The following CNTN4 variants were observed in gnomAD, a reference collection of about 807,000 sequenced individuals.
The protein encoded by CNTN4 is contactin-4.
CNTN4 carries 77 observed loss-of-function variants against 122.5 expected under a neutral mutation model. That is an observed-to-expected ratio of 0.63 (90% CI 0.52 to 0.76). The LOEUF is 0.76. Among genes scored for constraint, CNTN4 ranks in the 30% least tolerant of loss-of-function variants. The probability of loss-of-function intolerance (pLI) is 0.00; values close to 1 mark genes in which losing one functional copy is unlikely to be tolerated. For synonymous variants in CNTN4, 512 were observed against 447.0 expected (o/e 1.15, Z -1.83); for missense variants, 1,256 against 1,259.1 (o/e 1.00, Z 0.04).
At chr3:2,320,771 G>T (rs2043250689) in intron 2 of CNTN4, among the ~76,000 whole-genome samples, 1 of 152,090 alleles carries the variant, frequency 6.6e-6, no homozygotes, top group Non-Finnish European at 1.5e-5. Flanking sequence ...ATAGGAAAAA[G>T]AAATACATGA....
intron 3 of CNTN4, among the ~76,000 whole-genome samples, chr3:2,510,373 G>A (rs2076848982): frequency 2.8e-5 from 2 of 72,250 alleles, no homozygotes; most frequent in Admixed American, 3.2e-4. Flanking sequence ...TGTTTGTTTG[G>A]GGTTTTTTTT....
chr3:2,244,111 C>A (rs769755691), intron 2 of CNTN4, among the ~76,000 whole-genome samples: 13 of 151,938 alleles, frequency 8.6e-5, no homozygotes, highest in African/African-American at 1.2e-4. Context: ...TATGTTTTTC[C>A]TGTGCATACA....
intron 15 of CNTN4, among the ~76,000 whole-genome samples, chr3:3,029,338 T>A (rs1698983538): frequency 6.6e-6 from 1 of 152,212 alleles, no homozygotes; most frequent in Non-Finnish European, 1.5e-5. Flanking sequence ...ATAACACAGA[T>A]AATCTCATTT....
At chr3:2,541,085 T>A (rs2078013691) in intron 3 of CNTN4, among the ~76,000 whole-genome samples, 1 of 152,160 alleles carries the variant, frequency 6.6e-6, no homozygotes, top group South Asian at 2.1e-4. Context: ...CTATCTTTCT[T>A]CAGCTATCTT....
chr3:2,141,373 G>T (rs2034986816), intron 2 of CNTN4, among the ~76,000 whole-genome samples: 1 of 152,130 alleles, frequency 6.6e-6, no homozygotes, highest in African/African-American at 2.4e-5. Context: ...TGGCTTTGAA[G>T]ATGAAAGAGG....
chr3:2,260,799 C>T (rs2040805977), intron 2 of CNTN4, among the ~76,000 whole-genome samples: 1 of 149,112 alleles, frequency 6.7e-6, no homozygotes, highest in Non-Finnish European at 1.5e-5. Context: ...GTGATCTCGG[C>T]TCACTGTAAC....
chr3:2,280,518 C>G (rs943284626), intron 2 of CNTN4, among the ~76,000 whole-genome samples: 1 of 152,214 alleles, frequency 6.6e-6, no homozygotes, highest in African/African-American at 2.4e-5. Flanking sequence ...TAGTGACAGA[C>G]AGTCACTAAA....
chr3:3,003,703 A>AAC (rs1553722322), intron 14 of CNTN4, among the ~76,000 whole-genome samples: 9 of 149,084 alleles, frequency 6.0e-5, no homozygotes, highest in South Asian at 2.1e-4. Context: ...AAAAAAAAAA[A>AAC]AAAAAAAAAA....
chr3:2,661,806 T>C (rs1576375788), intron 4 of CNTN4, among the ~76,000 whole-genome samples: 2 of 68,938 alleles, frequency 2.9e-5, no homozygotes, highest in African/African-American at 6.8e-5. Context: ...CAAAATTCCA[T>C]CTCAAAAAAA....
chr3:2,206,300 G>GT (rs1175741629), intron 2 of CNTN4, among the ~76,000 whole-genome samples: 1 of 152,062 alleles, frequency 6.6e-6, no homozygotes, highest in Non-Finnish European at 1.5e-5. Context: ...TTCTTTGACA[G>GT]TATCTACAAA....
At chr3:2,711,221 A>G (rs976475722) in intron 4 of CNTN4, among the ~76,000 whole-genome samples, 1 of 152,156 alleles carries the variant, frequency 6.6e-6, no homozygotes, top group Non-Finnish European at 1.5e-5. Flanking sequence ...GAAGCTGGCT[A>G]GGTAGGAGAT....
At chr3:2,409,367 C>T (rs2047151112) in intron 3 of CNTN4, among the ~76,000 whole-genome samples, 1 of 151,804 alleles carries the variant, frequency 6.6e-6, no homozygotes, top group African/African-American at 2.4e-5. Context: ...CCTGCCTCAG[C>T]CTCACGAGTA....
intron 3 of CNTN4, among the ~76,000 whole-genome samples, chr3:2,501,301 T>C (rs910119724): frequency 6.6e-6 from 1 of 152,252 alleles, no homozygotes; most frequent in Non-Finnish European, 1.5e-5. Context: ...ATTTGGGCTT[T>C]ATATCTGTTC....
chr3:2,156,736 A>G (rs557529840), intron 2 of CNTN4, among the ~76,000 whole-genome samples: 1 of 152,182 alleles, frequency 6.6e-6, no homozygotes, highest in South Asian at 2.1e-4. Flanking sequence ...GGATAAGAAT[A>G]TGTGAATCTT....
At chr3:2,789,004 C>T (rs1333164923) in intron 6 of CNTN4, among the ~76,000 whole-genome samples, 1 of 152,016 alleles carries the variant, frequency 6.6e-6, no homozygotes, top group African/African-American at 2.4e-5. Flanking sequence ...TAAGGATTCC[C>T]CTGTATTTTA....
chr3:2,782,137 T>C (rs1222873061), intron 6 of CNTN4, among the ~76,000 whole-genome samples: 1 of 152,080 alleles, frequency 6.6e-6, no homozygotes, highest in Non-Finnish European at 1.5e-5. Flanking sequence ...AAATGTTTCT[T>C]ATCAGACTGA....
At chr3:2,530,419 G>A (rs879349342) in intron 3 of CNTN4, among the ~76,000 whole-genome samples, 18 of 148,268 alleles carry the variant, frequency 1.2e-4, no homozygotes, top group Non-Finnish European at 2.1e-4. Flanking sequence ...AGCGATTCTC[G>A]TGCCTTAGGC....
chr3:2,201,722 G>C (rs919605341), intron 2 of CNTN4, among the ~76,000 whole-genome samples: 2 of 152,056 alleles, frequency 1.3e-5, no homozygotes, highest in African/African-American at 4.8e-5. Flanking sequence ...TCCTTCAGCT[G>C]GCATGCGCTG....
chr3:2,209,196 C>T (rs1483718892), intron 2 of CNTN4, among the ~76,000 whole-genome samples: 2 of 152,142 alleles, frequency 1.3e-5, no homozygotes, highest in Non-Finnish European at 2.9e-5. Context: ...TACAGAGCCT[C>T]TGAGTCCTCT....
Sources: allele counts gnomAD v4.1 joint callset (sites outside exome capture counted in the v4.1 genomes callset), GRCh38; gene constraint gnomAD v4.1.1; transcripts MANE v1.5; gene names NCBI Gene and HGNC (gene_info 2026-07-23, HGNC 2026-07-21).